The following CASP8 variants were observed in gnomAD, a reference collection of about 807,000 sequenced individuals.
CASP8 encodes the protein caspase-8.
A neutral mutation model predicts 46.3 loss-of-function variants in CASP8; 24 were observed. That is an observed-to-expected ratio of 0.52 (90% CI 0.38 to 0.73). The LOEUF is 0.73. CASP8 is among the 30% of genes least tolerant of loss of function. The probability of loss-of-function intolerance (pLI) is 0.00; values close to 1 mark genes in which losing one functional copy is unlikely to be tolerated. For synonymous variants in CASP8, 188 were observed against 200.4 expected, an observed-to-expected ratio of 0.94 and a Z score of 0.52; for missense variants, 460 against 559.0, an observed-to-expected ratio of 0.82 and a Z score of 1.79.
intron 8 of CASP8, among the ~76,000 whole-genome samples, 157 bp downstream of exon 8, chr2:201,285,474 G>A (rs1049736866): frequency 3.3e-5 from 5 of 152,158 alleles, no homozygotes; most frequent in South Asian, 2.1e-4. Flanking sequence ...AGTGGTTTCC[G>A]TTCAACTCTA....
chr2:201,274,455 C>T (rs943847640), intron 5 of CASP8, among the ~76,000 whole-genome samples: 1 of 152,120 alleles, frequency 6.6e-6, no homozygotes, highest in Admixed American at 6.6e-5. Flanking sequence ...ATATTCATGG[C>T]AGTCTGTGAA....
intron 2 of CASP8, among the ~76,000 whole-genome samples, chr2:201,267,958 G>A (rs763131013): frequency 6.6e-6 from 1 of 152,066 alleles, no homozygotes; most frequent in African/African-American, 2.4e-5. Flanking sequence ...ACGGAGTCTC[G>A]CTTCATCACC....
rs34552705 is a variant in CASP8 at position 201,287,405 on chromosome 2, AT to A, written c.*821del. On this transcript the variant is annotated 3_prime_UTR_variant, in exon 9 of 9. Coordinates refer to ENST00000673742, the MANE Select transcript of CASP8 (RefSeq NM_001372051.1). ...AGAACAAGACCCCGTCTCAAAAAAA[AT>A]TTTTTTTTTAATAAAACAAAATTTG... is the stretch of plus-strand genomic sequence containing the variant. 13 of 152,634 alleles carry A rather than the reference AT, an allele frequency of 8.5e-5. No individual in the cohort carries two copies. Among genetic ancestry groups the A allele is most frequent in the South Asian group, 4.1e-4 (2 of 4,836 alleles). 9.5% of individuals were successfully genotyped at this position (152,634 alleles called of 1,614,324 possible). A position where few individuals can be genotyped will look rare whatever the true frequency, so the allele number is the denominator to read the frequency against.
At chr2:201,237,608 A>G (rs1228574427) in intron 2 of CASP8, among the ~76,000 whole-genome samples, 1 of 152,220 alleles carries the variant, frequency 6.6e-6, no homozygotes, top group Admixed American at 6.5e-5. Flanking sequence ...AGAATTCACA[A>G]GTTGTAAATA....
At chr2:201,268,828 T>A (rs1948014228) in intron 2 of CASP8, among the ~76,000 whole-genome samples, 1 of 152,018 alleles carries the variant, frequency 6.6e-6, no homozygotes, top group Non-Finnish European at 1.5e-5. Context: ...TATGTTCCCT[T>A]CTCTGTGTCT....
At position 201,266,386 on chromosome 2, in the gene CASP8, C is replaced by T. The variant is rs762539565; in HGVS notation, c.-26-75C>T. On this transcript the variant is annotated intron_variant, in intron 1 of 8. Coordinates refer to ENST00000673742, the MANE Select transcript of CASP8 (RefSeq NM_001372051.1). This position sits in a 1 kb window ranked among gnomAD's most constrained non-coding sequence, Gnocchi z 5.7. ...CACAATGACCAGTACCTAGTAGTTG[C>T]AGTAGCCTTTGATGAACAAGCCAGC... is the stretch of plus-strand genomic sequence containing the variant. The T allele has an allele frequency of 7.3e-6, 8 of 1,102,100 alleles. No individual in the cohort carries two copies. The highest frequency in any genetic ancestry group is 1.8e-5 in the Admixed American group (1 of 56,160). The allele number at this position is 1,102,100 out of a possible 1,614,324, so 68.3% of individuals were successfully genotyped here.
intron 7 of CASP8, among the ~76,000 whole-genome samples, chr2:201,281,238 T>G (rs1340635604): frequency 6.6e-6 from 1 of 151,974 alleles, no homozygotes; most frequent in Non-Finnish European, 1.5e-5. Flanking sequence ...TGCTTGAACT[T>G]GGGGGGCAGA....
At chr2:201,262,338 C>T (rs1182235599) in intron 1 of CASP8, 1 of 151,556 alleles carries the variant, frequency 6.6e-6, no homozygotes, top group Non-Finnish European at 1.5e-5. Flanking sequence ...ATATAGATTA[C>T]AAACATTTAT....
chr2:201,286,365 A>G, intron 8 of CASP8, 94 bp from the exon 9 acceptor site: 2 of 1,460,942 alleles, frequency 1.4e-6, no homozygotes, highest in Non-Finnish European at 1.9e-6. Flanking sequence ...TTTGAGAGAA[A>G]GAACTACAGA....
At chr2:201,271,985 G>A (rs1948286463) in intron 3 of CASP8, among the ~76,000 whole-genome samples, 1 of 152,028 alleles carries the variant, frequency 6.6e-6, no homozygotes, top group African/African-American at 2.4e-5. Context: ...TGTGTTGTGT[G>A]TGTATTTCCG....
intron 2 of CASP8, among the ~76,000 whole-genome samples, chr2:201,234,722 G>A (rs371389477): frequency 1.3e-5 from 2 of 152,018 alleles, no homozygotes; most frequent in African/African-American, 4.8e-5. Context: ...GCCTCCCAAA[G>A]TGCTGGGATT....
chr2:201,241,602 A>G (rs758597412), intron 2 of CASP8: 2 of 152,220 alleles, frequency 1.3e-5, no homozygotes, highest in Admixed American at 6.5e-5. Flanking sequence ...ATGGCTTCAC[A>G]GGTGAATTCT....
intron 8 of CASP8, among the ~76,000 whole-genome samples, chr2:201,286,225 G>A (rs1949551275): frequency 6.6e-6 from 1 of 152,188 alleles, no homozygotes; most frequent in Non-Finnish European, 1.5e-5. Context: ...TACTGACACC[G>A]AGGTTTCTGA....
intron 2 of CASP8, among the ~76,000 whole-genome samples, chr2:201,248,228 G>A (rs1946624223): frequency 6.6e-6 from 1 of 152,194 alleles, no homozygotes; most frequent in African/African-American, 2.4e-5. Context: ...ATAGGGAGTA[G>A]GGCAAGAAAA....
intron 2 of CASP8, among the ~76,000 whole-genome samples, chr2:201,239,645 C>T (rs1348352158): frequency 1.3e-5 from 2 of 152,136 alleles, no homozygotes; most frequent in Non-Finnish European, 1.5e-5. Context: ...TTGGGTTCAT[C>T]TTGCTTTTTC....
chr2:201,250,835 C>T lies in CASP8; in HGVS notation c.-26-15626C>T, dbSNP rs116821429. ...GGTTCACTTTTGGTGTACATCCTAC[C>T]GGTTTTGCCAAATGAATAATGCCAT... is the stretch of plus-strand genomic sequence containing the variant. On this transcript the variant is annotated intron_variant, in intron 2 of 6. Transcript: ENST00000264274. Among the ~76,000 whole-genome samples, 507 of 152,310 alleles carry T rather than the reference C, an allele frequency of 3.3e-3. 1 individual carries two copies. Among genetic ancestry groups the T allele is most frequent in the Non-Finnish European group, 5.5e-3 (376 of 68,024 alleles).
chr2:201,255,124 C>T (rs1319493896), intron 2 of CASP8, among the ~76,000 whole-genome samples: 1 of 152,192 alleles, frequency 6.6e-6, no homozygotes, highest in Non-Finnish European at 1.5e-5. Context: ...CCCTCTGTCA[C>T]TCACGCTGGA....
At chr2:201,258,275 GA>G, upstream of CASP8, 8 of 1,614,032 alleles carry the variant, frequency 5.0e-6, no homozygotes, top group Non-Finnish European at 6.8e-6. Context: ...GAAAGTAAAA[GA>G]AACTTCTTCC....
At chr2:201,274,859 A>G in intron 5 of CASP8, 30 bp from the exon 6 acceptor site, 1 of 1,559,812 alleles carries the variant, frequency 6.4e-7, no homozygotes, top group Non-Finnish European at 8.8e-7. Context: ...GCCATGTCTC[A>G]TTCTAGATGT....
Sources: allele counts gnomAD v4.1 joint callset (sites outside exome capture counted in the v4.1 genomes callset), GRCh38; gene constraint gnomAD v4.1.1; non-coding constraint Gnocchi (gnomAD v3.1); transcripts MANE v1.5; gene names NCBI Gene and HGNC (gene_info 2026-07-23, HGNC 2026-07-21).